The following CDIN1 variants were observed in gnomAD, a reference collection of about 807,000 sequenced individuals.
The protein encoded by CDIN1 is CDAN1 interacting nuclease 1.
In CDIN1, 33 loss-of-function variants were observed where a neutral mutation model predicts 45.3. The ratio of observed to expected loss-of-function variants is 0.73; its 90% confidence interval spans 0.55 to 0.97. The LOEUF is 0.97. Among genes scored for constraint, CDIN1 ranks in the 50% least tolerant of loss-of-function variants. The pLI, the probability that CDIN1 is intolerant of heterozygous loss-of-function variation, is 0.00. For missense variants in CDIN1, 303 were observed against 339.4 expected, an observed-to-expected ratio of 0.89 and a Z score of 0.84; for synonymous variants, 118 against 124.4, an observed-to-expected ratio of 0.95 and a Z score of 0.34.
intron 8 of CDIN1, among the ~76,000 whole-genome samples, chr15:36,698,699 G>C (rs1386651160): frequency 1.3e-5 from 2 of 152,048 alleles, no homozygotes; most frequent in African/African-American, 4.8e-5. Context: ...TTTTTGTTTT[G>C]TTTTAAGCCA....
intron 1 of CDIN1, chr15:36,613,981 C>G (rs2038770509): frequency 6.6e-7 from 1 of 1,523,334 alleles, no homozygotes; most frequent in South Asian, 1.1e-5. Flanking sequence ...CCTGAAGTGT[C>G]TGAGTGCTGC....
At chr15:36,605,128 T>C (rs1271051500) in intron 1 of CDIN1, among the ~76,000 whole-genome samples, 1 of 152,178 alleles carries the variant, frequency 6.6e-6, no homozygotes, top group East Asian at 1.9e-4. Flanking sequence ...CTTTCCTAGA[T>C]GCATTTCTTT....
At chr15:36,598,076 G>C (rs1342950715) in intron 1 of CDIN1, among the ~76,000 whole-genome samples, 1 of 152,144 alleles carries the variant, frequency 6.6e-6, no homozygotes, top group Non-Finnish European at 1.5e-5. Context: ...CTGCAGCCTC[G>C]ACCTCCTGGG....
intron 5 of CDIN1, among the ~76,000 whole-genome samples, chr15:36,674,571 C>T (rs757208034): frequency 3.9e-5 from 6 of 152,166 alleles, no homozygotes; most frequent in Non-Finnish European, 8.8e-5. Context: ...GCAGAAGCAG[C>T]GTCAAATGTA....
chr15:36,777,591 A>C (rs192523725), intron 10 of CDIN1, among the ~76,000 whole-genome samples: 32 of 152,244 alleles, frequency 2.1e-4, no homozygotes, highest in African/African-American at 6.7e-4. Context: ...TCTGTTTTAG[A>C]CATCAAGTTT....
chr15:36,748,593 C>T (rs377468784), intron 10 of CDIN1, among the ~76,000 whole-genome samples: 37 of 152,044 alleles, frequency 2.4e-4, no homozygotes, highest in African/African-American at 8.2e-4. Context: ...ATTTCACTTT[C>T]CAAGGTCTCA....
At chr15:36,636,444 C>G (rs932817345) in intron 1 of CDIN1, among the ~76,000 whole-genome samples, 2 of 152,042 alleles carry the variant, frequency 1.3e-5, no homozygotes, top group Admixed American at 1.3e-4. Context: ...CCCAGCTACT[C>G]TGGAGGCTGA....
At chr15:36,649,928 T>C (rs1397547188) in intron 3 of CDIN1, among the ~76,000 whole-genome samples, 2 of 152,214 alleles carry the variant, frequency 1.3e-5, no homozygotes, top group African/African-American at 4.8e-5. Context: ...GCATTGTAAA[T>C]GGGGCATAAT....
At position 36,579,651 on chromosome 15, in the gene CDIN1, C is replaced by T. The variant is rs2036942397; in HGVS notation, c.-210C>T. ...ACTCTGGTGTACAGCCAGTCCCCGCCGCGGAGGTGCCGGTGGAGCCTGGGA... is the reference window on the plus strand; with the variant it reads ...ACTCTGGTGTACAGCCAGTCCCCGCTGCGGAGGTGCCGGTGGAGCCTGGGA... On this transcript the variant is annotated 5_prime_UTR_variant, in exon 1 of 11. Coordinates refer to ENST00000566621, the MANE Select transcript of CDIN1 (RefSeq NM_001321759.2). 1.9e-6 allele frequency: 1 copy of T among 529,624 alleles called. No homozygotes were observed. The highest frequency in any genetic ancestry group is 3.4e-6 in the Non-Finnish European group (1 of 297,284). The allele number at this position is 529,624 out of a possible 1,614,324, so 32.8% of individuals were successfully genotyped here.
At chr15:36,618,510 G>C (rs2039003029) in intron 1 of CDIN1, 1 of 1,232,956 alleles carries the variant, frequency 8.1e-7, no homozygotes, top group Non-Finnish European at 1.2e-6. Flanking sequence ...CAACACCAAA[G>C]TTTGACTTAC....
intron 10 of CDIN1, among the ~76,000 whole-genome samples, chr15:36,758,476 A>G (rs1359712405): frequency 1.3e-5 from 2 of 152,178 alleles, no homozygotes; most frequent in Non-Finnish European, 2.9e-5. Flanking sequence ...AGGCAAGCTG[A>G]TTAAATTTAT....
rs1002507680 is a variant in CDIN1 at position 36,676,600 on chromosome 15, T to C, written c.347-15085T>C. On this transcript the variant is annotated intron_variant, in intron 5 of 10. Transcript: ENST00000566621. ...TTAGAAGCATCCAGTTTTCTTTCTT[T>C]TCATAGACTATAAGACATTTGATCT... 1.1e-4 allele frequency among the ~76,000 whole-genome samples: 16 copies of C among 152,298 alleles called. 1 individual carries two copies. Among genetic ancestry groups the C allele is most frequent in the Middle Eastern group, 6.8e-3 (2 of 294 alleles).
chr15:36,775,087 G>T (rs1260437683), intron 10 of CDIN1, among the ~76,000 whole-genome samples: 1 of 152,146 alleles, frequency 6.6e-6, no homozygotes, highest in Non-Finnish European at 1.5e-5. Context: ...GACACATGTC[G>T]CAGAGAAACC....
intron 1 of CDIN1, among the ~76,000 whole-genome samples, chr15:36,638,058 G>T (rs1200711242): frequency 1.3e-5 from 2 of 152,094 alleles, no homozygotes; most frequent in Non-Finnish European, 2.9e-5. Flanking sequence ...TATTCTTTGG[G>T]CTGTGCATTT....
At chr15:36,607,260 G>A (rs905778014) in intron 1 of CDIN1, among the ~76,000 whole-genome samples, 2 of 152,126 alleles carry the variant, frequency 1.3e-5, no homozygotes, top group African/African-American at 2.4e-5. Context: ...CTTAAATAAT[G>A]TGGATAGTTT....
rs1186413009 is a variant in CDIN1 at position 36,657,899 on chromosome 15, A to G, written c.340A>G (p.Thr114Ala). Residue 114 changes from threonine (T) to alanine (A), a missense_variant, in exon 5 of 11, where the codon ACT becomes GCT. By Grantham distance (58) the Thr-to-Ala change is moderately conservative. Transcript: ENST00000566621. ...LERFLQEHEE[T>A]PPSKSIINSM... ...GAGGTTTCTACAGGAACACGAGGAA[A>G]CTCCACGTGAGTTACCCTTTTTTCC... 4 of 1,610,350 alleles carry G rather than the reference A, an allele frequency of 2.5e-6. No individual in the cohort carries two copies. In the African/African-American group the frequency reaches 5.4e-5, roughly 22 times the overall value.
chr15:36,638,175 T>C (rs1035519575), intron 1 of CDIN1, among the ~76,000 whole-genome samples: 3 of 152,248 alleles, frequency 2.0e-5, no homozygotes, highest in Admixed American at 2.0e-4. Flanking sequence ...AAGCATGTTA[T>C]AAAAAAGTAT....
intron 8 of CDIN1, among the ~76,000 whole-genome samples, chr15:36,700,373 G>C (rs1448982586): frequency 1.3e-5 from 2 of 152,032 alleles, no homozygotes; most frequent in African/African-American, 4.8e-5. Context: ...CTTAGTAGGT[G>C]CTCACATGAT....
intron 7 of CDIN1, among the ~76,000 whole-genome samples, chr15:36,694,481 G>A (rs551397098): frequency 6.6e-6 from 1 of 152,184 alleles, no homozygotes; most frequent in Non-Finnish European, 1.5e-5. Context: ...TGTTATGTTT[G>A]TGTAAGTAGA....
Sources: gnomAD v4.1 joint callset for allele counts (sites outside exome capture counted in the v4.1 genomes callset) on GRCh38, gnomAD v4.1.1 for gene constraint, MANE v1.5 for transcripts, NCBI Gene and HGNC (gene_info 2026-07-23, HGNC 2026-07-21) for gene names.